The following DEPTOR variants were observed in gnomAD, a reference collection of about 807,000 sequenced individuals.
The protein encoded by DEPTOR is DEP domain containing MTOR interacting protein.
Under a neutral mutation model 41.6 loss-of-function variants are expected in DEPTOR, and 41 were observed. The ratio of observed to expected loss-of-function variants is 0.98; its 90% CI spans 0.77 to 1.28. DEPTOR has a LOEUF of 1.28. Among genes scored for constraint, DEPTOR ranks in the 50% most tolerant of loss-of-function variants. The pLI is 0.00. For synonymous variants in DEPTOR, 195 were observed against 192.3 expected (o/e 1.01, Z -0.12); for missense variants, 514 against 527.9 (o/e 0.97, Z 0.26).
intron 1 of DEPTOR, among the ~76,000 whole-genome samples, chr8:119,924,117 T>A (rs537032823): frequency 6.6e-6 from 1 of 152,300 alleles, no homozygotes; most frequent in South Asian, 2.1e-4. Flanking sequence ...AATTATTTGT[T>A]CCATTGTTTT....
At chr8:119,989,577 T>C (rs961895181) in intron 4 of DEPTOR, among the ~76,000 whole-genome samples, 1 of 152,162 alleles carries the variant, frequency 6.6e-6, no homozygotes, top group Non-Finnish European at 1.5e-5. Flanking sequence ...CCAGTTTCCT[T>C]ATCTGTAAAC....
intron 5 of DEPTOR, 27 bp downstream of exon 5, chr8:120,001,737 C>G (rs1452512394): frequency 1.3e-6 from 2 of 1,592,090 alleles, no homozygotes; most frequent in Non-Finnish European, 1.7e-6. Flanking sequence ...TTTATTGGAG[C>G]TCAAGTGTTT....
chr8:120,018,549 A>T (rs745581046), intron 8 of DEPTOR, among the ~76,000 whole-genome samples: 141 of 152,322 alleles, frequency 9.3e-4, no homozygotes, highest in Non-Finnish European at 1.0e-3. Context: ...ACTGCGCTCC[A>T]GCTTGTGCAA....
intron 4 of DEPTOR, among the ~76,000 whole-genome samples, chr8:119,997,646 A>G (rs1812286729): frequency 1.3e-5 from 2 of 152,196 alleles, no homozygotes; most frequent in South Asian, 4.1e-4. Flanking sequence ...AAACTGTGGA[A>G]TACCCATATG....
At chr8:119,929,460 C>T (rs563060657) in intron 2 of DEPTOR, among the ~76,000 whole-genome samples, 1 of 152,208 alleles carries the variant, frequency 6.6e-6, no homozygotes, top group South Asian at 2.1e-4. Context: ...TTTCTCCTTA[C>T]CTCACTAGAT....
At chr8:119,907,489 C>G (rs983266566) in intron 1 of DEPTOR, among the ~76,000 whole-genome samples, 4 of 152,118 alleles carry the variant, frequency 2.6e-5, no homozygotes, top group Non-Finnish European at 4.4e-5. Context: ...AAGAAATAGA[C>G]ACCATGATTC....
intron 4 of DEPTOR, among the ~76,000 whole-genome samples, chr8:119,990,225 T>G (rs144427809): frequency 0.015 from 2,357 of 152,268 alleles, 67 homozygotes; most frequent in African/African-American, 0.054. Context: ...GTGGCGCATC[T>G]CTGCTCACTG....
chr8:119,951,872 C>G (rs888544845), intron 3 of DEPTOR, among the ~76,000 whole-genome samples: 2 of 152,110 alleles, frequency 1.3e-5, no homozygotes, highest in African/African-American at 4.8e-5. Flanking sequence ...AGTGTGGTGG[C>G]TCACGCTGTA....
chr8:119,959,554 T>A (rs1828463041), intron 3 of DEPTOR, among the ~76,000 whole-genome samples: 1 of 149,760 alleles, frequency 6.7e-6, no homozygotes, highest in Non-Finnish European at 1.5e-5. Context: ...TGAAACGGAG[T>A]CTTGCTCTGT....
rs1178735046 is a variant in DEPTOR, at chr8:119,873,760, G to A, written c.-87G>A. On this transcript the variant is annotated 5_prime_UTR_variant, in exon 1 of 9. Coordinates refer to ENST00000286234, the MANE Select transcript of DEPTOR (RefSeq NM_022783.4). Reference sequence around the variant, plus strand: ...GAGCTGCCCCGAACAAAGATGGCGCGGGAAGCGTCTGTGAGGGCAGACTGA... The same window carrying A: ...GAGCTGCCCCGAACAAAGATGGCGCAGGAAGCGTCTGTGAGGGCAGACTGA... The A allele has an allele frequency of 1.1e-5, 17 of 1,553,762 alleles. No individual in the cohort carries two copies. The highest frequency in any genetic ancestry group is 4.2e-5 in the African/African-American group (3 of 71,590).
chr8:119,883,396 AC>A, intron 1 of DEPTOR, among the ~76,000 whole-genome samples: 2 of 147,402 alleles, frequency 1.4e-5, no homozygotes, highest in East Asian at 4.0e-4. Context: ...AATGGCGTGA[AC>A]CCGGGAGGTG....
At chr8:120,003,361 A>C (rs557000389) in intron 6 of DEPTOR, among the ~76,000 whole-genome samples, 3 of 152,078 alleles carry the variant, frequency 2.0e-5, no homozygotes, top group Non-Finnish European at 4.4e-5. Flanking sequence ...GGCCCTTCCA[A>C]GTTGCCTGGA....
At chr8:119,939,268 T>C (rs774083852) in intron 3 of DEPTOR, among the ~76,000 whole-genome samples, 5 of 152,328 alleles carry the variant, frequency 3.3e-5, no homozygotes, top group East Asian at 1.9e-4. Context: ...TCATCTTCTG[T>C]AGCGGCAAGC....
intron 8 of DEPTOR, among the ~76,000 whole-genome samples, chr8:120,037,223 G>A (rs982710624): frequency 6.6e-6 from 1 of 152,132 alleles, no homozygotes. Flanking sequence ...TAAACACTGG[G>A]ATTAGTACTT....
chr8:120,049,546 A>T (rs767838570), intron 8 of DEPTOR, 30 bp from the exon 9 acceptor site: 28 of 1,609,434 alleles, frequency 1.7e-5, no homozygotes, highest in Admixed American at 3.3e-5. Flanking sequence ...GCGCTATAAT[A>T]GATGCTCTTT....
chr8:120,007,388 G>A (rs1004101738), intron 7 of DEPTOR, among the ~76,000 whole-genome samples: 13 of 152,088 alleles, frequency 8.5e-5, no homozygotes, highest in African/African-American at 2.9e-4. Context: ...CGTAGGCAGG[G>A]TGCTTCGACA....
chr8:119,920,094 G>GGT (rs533705868), intron 1 of DEPTOR, among the ~76,000 whole-genome samples: 3 of 150,882 alleles, frequency 2.0e-5, no homozygotes, highest in Non-Finnish European at 3.0e-5. Context: ...TAATAGGAAG[G>GGT]TTTTTTTTTT....
At chr8:119,978,071 T>C (rs114986979) in intron 4 of DEPTOR, among the ~76,000 whole-genome samples, 1,995 of 152,318 alleles carry the variant, frequency 0.013, 41 homozygotes, top group African/African-American at 0.045. Context: ...CAACCTATGC[T>C]TGCTTCTGAA....
In DEPTOR at chr8:120,009,067, A is replaced by G. The variant is rs1222442376; in HGVS notation, c.1035A>G (p.Arg345=). ...GDAVGWGFVV[R]GSKPCHIQAV... ...CGGTTGGCTGGGGTTTTGTGGTGCG[A>G]GGAAGTAAGCCATGCCACATCCAGG... The change falls in exon 8 of 9, where the codon CGA becomes CGG. Residue 345 remains arginine, a synonymous_variant. Coordinates refer to ENST00000286234, the MANE Select transcript of DEPTOR (RefSeq NM_022783.4). 1 of 1,614,054 alleles carries G rather than the reference A, an allele frequency of 6.2e-7. No homozygotes were observed. The highest frequency in any genetic ancestry group is 1.7e-5 in the Admixed American group (1 of 60,002).
Sources: allele counts gnomAD v4.1 joint callset (sites outside exome capture counted in the v4.1 genomes callset), GRCh38; gene constraint gnomAD v4.1.1; transcripts MANE v1.5; gene names NCBI Gene and HGNC (gene_info 2026-07-23, HGNC 2026-07-21).